The following MAP4K4 variants were observed in gnomAD, a reference collection of about 807,000 sequenced individuals.
MAP4K4 encodes mitogen-activated protein kinase kinase kinase kinase 4.
MAP4K4 carries 38 observed loss-of-function variants against 189.6 expected under a neutral mutation model. That is an observed-to-expected ratio of 0.20 (90% CI 0.15 to 0.26). The LOEUF is 0.26. Ranked by LOEUF, MAP4K4 falls within the 10% of genes least tolerant of loss-of-function variation. The pLI, the probability that MAP4K4 is intolerant of heterozygous loss-of-function variation, is 1.00. For missense variants in MAP4K4, 1,054 were observed against 1,726.9 expected (o/e 0.61, Z 6.91); for synonymous variants, 610 against 624.3 (o/e 0.98, Z 0.34).
intron 3 of MAP4K4, among the ~76,000 whole-genome samples, chr2:101,793,401 C>T (rs79838015): frequency 0.011 from 1,658 of 152,224 alleles, 56 homozygotes; most frequent in East Asian, 0.064. Flanking sequence ...TGTCAAAGCT[C>T]CTCTTAGCTC....
intron 13 of MAP4K4, among the ~76,000 whole-genome samples, chr2:101,858,402 CTCTG>C (rs1339837646): frequency 6.6e-6 from 1 of 152,206 alleles, no homozygotes; most frequent in Non-Finnish European, 1.5e-5. Flanking sequence ...CCTTGTCTGT[CTCTG>C]TCTGTCACAC....
intron 21 of MAP4K4, among the ~76,000 whole-genome samples, chr2:101,868,428 G>A (rs1223911976): frequency 6.6e-6 from 1 of 152,180 alleles, no homozygotes; most frequent in Non-Finnish European, 1.5e-5. Flanking sequence ...TTTTTAAAAA[G>A]TGATTACTTT....
chr2:101,831,809 C>T, exon 7 of MAP4K4: 2 of 1,612,498 alleles, frequency 1.2e-6, no homozygotes, highest in Non-Finnish European at 1.7e-6. Flanking sequence ...CTCCTGAGGT[C>T]ATCGCCTGTG....
chr2:101,709,491 C>T (rs1457254561), intron 2 of MAP4K4, among the ~76,000 whole-genome samples: 1 of 152,254 alleles, frequency 6.6e-6, no homozygotes, highest in Non-Finnish European at 1.5e-5. Flanking sequence ...GCGTGAGCCA[C>T]TGTGCCTGGC....
At chr2:101,840,346 A>G (rs1053079150) in intron 10 of MAP4K4, among the ~76,000 whole-genome samples, 1 of 152,148 alleles carries the variant, frequency 6.6e-6, no homozygotes, top group African/African-American at 2.4e-5. Flanking sequence ...CATCACCATC[A>G]GTGTGTTTCT....
At chr2:101,718,564 TGGGGGTGG>T (rs1225292683) in intron 2 of MAP4K4, among the ~76,000 whole-genome samples, 10 of 35,484 alleles carry the variant, frequency 2.8e-4, no homozygotes, top group African/African-American at 1.1e-3. Flanking sequence ...AGTGGGAAGG[TGGGGGTGG>T]GGGGGTGGGG....
intron 3 of MAP4K4, among the ~76,000 whole-genome samples, chr2:101,797,889 G>GTGTTTTTTTGTT (rs1553478618): frequency 3.8e-5 from 2 of 52,304 alleles, no homozygotes; most frequent in African/African-American, 1.5e-4. Flanking sequence ...CATTCTTTTA[G>GTGTTTTTTTGTT]TTTTTTTTTT....
At chr2:101,820,562 AG>A (rs1338012871) in intron 3 of MAP4K4, among the ~76,000 whole-genome samples, 1 of 152,146 alleles carries the variant, frequency 6.6e-6, no homozygotes, top group Non-Finnish European at 1.5e-5. Context: ...GTATAAGGAA[AG>A]TGGGATGTTT....
Position 101,835,997 on chromosome 2 carries a change from T to C in MAP4K4, c.773+19T>C. 1 of 1,571,156 alleles carries C rather than the reference T, an allele frequency of 6.4e-7. No homozygotes were observed. Among genetic ancestry groups the C allele is most frequent in the African/African-American group, 1.3e-5 (1 of 74,102 alleles). On this transcript the variant is annotated intron_variant, in intron 9 of 32. Transcript: ENST00000324219. ...AAAAATGGTAAGCTATATATGGTTT[T>C]TTGTTGTTCTTTTCCCTTTTTTTTA... is the stretch of plus-strand genomic sequence containing the variant.
intron 2 of MAP4K4, among the ~76,000 whole-genome samples, chr2:101,765,022 TA>T (rs1284628489): frequency 6.6e-6 from 1 of 152,180 alleles, no homozygotes; most frequent in East Asian, 1.9e-4. Context: ...AATCAGAATT[TA>T]AGTAAGCAAG....
At chr2:101,763,699 T>C (rs1199970114) in intron 2 of MAP4K4, among the ~76,000 whole-genome samples, 4 of 152,140 alleles carry the variant, frequency 2.6e-5, no homozygotes, top group Admixed American at 1.3e-4. Flanking sequence ...TAATAGAAGC[T>C]CAGGGAGATG....
intron 2 of MAP4K4, among the ~76,000 whole-genome samples, chr2:101,729,101 A>AGAGG (rs149283961): frequency 7.7e-6 from 1 of 130,504 alleles, no homozygotes; most frequent in Non-Finnish European, 1.6e-5. Flanking sequence ...AGAGAGAGAG[A>AGAGG]GTGTGTGTGT....
In MAP4K4 at chr2:101,882,704, A is replaced by T. The variant is rs1316982580; in HGVS notation, c.3520+19A>T. The T allele has an allele frequency of 6.6e-7, 1 of 1,515,808 alleles. No individual in the cohort carries two copies. The highest frequency in any genetic ancestry group is 1.4e-5 in the African/African-American group (1 of 70,996). 93.9% of individuals were successfully genotyped at this position (1,515,808 alleles called of 1,614,324 possible). On this transcript the variant is annotated intron_variant, in intron 28 of 32. Transcript: ENST00000324219. Reference sequence around the variant, plus strand: ...AAAGTTGGTAAGTTCTAGAAGCGTCATATTTTGTTTTTCCAGAGTTTGATT... The same window carrying T: ...AAAGTTGGTAAGTTCTAGAAGCGTCTTATTTTGTTTTTCCAGAGTTTGATT...
At chr2:101,704,567 ATTTT>A (rs57278834) in intron 2 of MAP4K4, among the ~76,000 whole-genome samples, 2 of 23,392 alleles carry the variant, frequency 8.5e-5, no homozygotes, top group African/African-American at 6.4e-4. Context: ...ATATATATAT[ATTTT>A]TTTTTTTTTT....
intron 3 of MAP4K4, among the ~76,000 whole-genome samples, chr2:101,797,559 T>G (rs988626338): frequency 6.6e-6 from 1 of 152,198 alleles, no homozygotes; most frequent in African/African-American, 2.4e-5. Flanking sequence ...AGACAACTTT[T>G]AACCTGATTT....
intron 8 of MAP4K4, among the ~76,000 whole-genome samples, chr2:101,834,964 G>C (rs2149468365): frequency 6.6e-6 from 1 of 152,192 alleles, no homozygotes; most frequent in African/African-American, 2.4e-5. Flanking sequence ...GGATGAGGTA[G>C]AATTGCAGAG....
chr2:101,787,108 A>G (rs912274103), intron 2 of MAP4K4, among the ~76,000 whole-genome samples: 4 of 151,972 alleles, frequency 2.6e-5, no homozygotes, highest in Admixed American at 6.6e-5. Flanking sequence ...GATACAAGGG[A>G]AAAAAAAGAC....
intron 23 of MAP4K4, chr2:101,870,723 G>C (rs1228296881): frequency 4.3e-5 from 11 of 254,864 alleles, no homozygotes; most frequent in Non-Finnish European, 8.5e-5. Flanking sequence ...TCCTTAAACA[G>C]GCTCACAGAG....
rs1487584462 is a variant in MAP4K4, at chr2:101,785,651, G to A, written c.124-5069G>A. On this transcript the variant is annotated intron_variant, in intron 2 of 32. Coordinates refer to ENST00000324219, the Ensembl canonical transcript of MAP4K4. ...GAACATTTGAGAAGATAGGAACATT[G>A]CCATCTTCTTCTTTCTTTCTTTCTC... Among the ~76,000 whole-genome samples the A allele has an allele frequency of 2.3e-5, 3 of 128,970 alleles. 1 individual carries two copies. The highest frequency in any genetic ancestry group is 5.0e-5 in the Non-Finnish European group (3 of 59,622). The allele number at this position is 128,970 out of a possible 152,430, so 84.6% of individuals were successfully genotyped here. A position where few individuals can be genotyped will look rare whatever the true frequency, so the allele number is the denominator to read the frequency against.
Sources: allele counts gnomAD v4.1 joint callset (sites outside exome capture counted in the v4.1 genomes callset), GRCh38; gene constraint gnomAD v4.1.1; transcripts MANE v1.5; gene names NCBI Gene and HGNC (gene_info 2026-07-23, HGNC 2026-07-21).